Variants in RAB11FIP4 observed in about 807,000 individuals in gnomAD.
The protein encoded by RAB11FIP4 is RAB11 family interacting protein 4.
Under a neutral mutation model 74.3 loss-of-function variants are expected in RAB11FIP4, and 23 were observed. The observed-to-expected ratio is 0.31, with a 90% CI of 0.22 to 0.44. The LOEUF (loss-of-function observed/expected upper bound fraction) is 0.44, where lower values mean the gene tolerates loss of function less well. Among genes scored for constraint, RAB11FIP4 ranks in the 20% least tolerant of loss-of-function variants. RAB11FIP4 has a pLI of 1.00. For synonymous variants in RAB11FIP4, 360 were observed against 359.9 expected (o/e 1.00, Z 0.00); for missense variants, 630 against 863.9 (o/e 0.73, Z 3.39).
intron 3 of RAB11FIP4, among the ~76,000 whole-genome samples, chr17:31,461,839 C>T (rs2071636937): frequency 6.6e-6 from 1 of 152,018 alleles, no homozygotes; most frequent in South Asian, 2.1e-4. Context: ...AAACCCATTT[C>T]TACTGAATGG....
chr17:31,527,656 A>G (rs1271496123), intron 10 of RAB11FIP4, 186 bp from the exon 11 acceptor site: 6 of 542,736 alleles, frequency 1.1e-5, no homozygotes, highest in East Asian at 6.1e-5. Context: ...AGTCCTTACT[A>G]TTTTGCTTTG....
At chr17:31,451,340 TC>T (rs2071524958) in intron 3 of RAB11FIP4, among the ~76,000 whole-genome samples, 2 of 150,524 alleles carry the variant, frequency 1.3e-5, no homozygotes, top group Admixed American at 1.3e-4. Flanking sequence ...GCGCCTGTAA[TC>T]CCAGCTACTC....
intron 1 of RAB11FIP4, among the ~76,000 whole-genome samples, chr17:31,424,395 G>A (rs2071227047): frequency 6.6e-6 from 1 of 152,092 alleles, no homozygotes; most frequent in Non-Finnish European, 1.5e-5. Context: ...TGAGATGCTA[G>A]CTGGCCACCT....
In RAB11FIP4 at chr17:31,531,934, A is replaced by G. The variant is rs1402673161; in HGVS notation, c.*202A>G. On this transcript the variant is annotated 3_prime_UTR_variant, in exon 15 of 15. Transcript: ENST00000621161. ...GGCCGTGGCTGTGGGCAGCATCCAC[A>G]CGGTTAGCCGTGCATGCACTTTGTG... 1 of 562,802 alleles carries G rather than the reference A, an allele frequency of 1.8e-6. No individual in the cohort carries two copies. The highest frequency in any genetic ancestry group is 3.2e-6 in the Non-Finnish European group (1 of 314,838). 34.9% of individuals were successfully genotyped at this position (562,802 alleles called of 1,614,324 possible). A position where few individuals can be genotyped will look rare whatever the true frequency, so the allele number is the denominator to read the frequency against.
intron 9 of RAB11FIP4, 59 bp downstream of exon 9, chr17:31,524,055 C>T: frequency 7.7e-7 from 1 of 1,293,978 alleles, no homozygotes. Flanking sequence ...AAGGGGGGTC[C>T]ATCTTGCTAA....
intron 9 of RAB11FIP4, 79 bp from the exon 10 acceptor site, chr17:31,525,011 C>G: frequency 6.5e-7 from 1 of 1,527,302 alleles, no homozygotes; most frequent in Non-Finnish European, 8.9e-7. Context: ...GTCTCGGGGC[C>G]CAGGGTCCCC....
chr17:31,432,508 C>T (rs1301040149), intron 2 of RAB11FIP4, among the ~76,000 whole-genome samples: 1 of 152,042 alleles, frequency 6.6e-6, no homozygotes, highest in Non-Finnish European at 1.5e-5. Flanking sequence ...ACAGGAGGTA[C>T]ACCACCATGC....
chr17:31,496,418 A>AGC (rs1567676670), intron 3 of RAB11FIP4, among the ~76,000 whole-genome samples: 1 of 152,216 alleles, frequency 6.6e-6, no homozygotes, highest in Non-Finnish European at 1.5e-5. Flanking sequence ...CATCTGGGTT[A>AGC]AGAGGGAAAA....
intron 3 of RAB11FIP4, among the ~76,000 whole-genome samples, chr17:31,485,927 A>AT (rs996401315): frequency 2.5e-4 from 37 of 150,354 alleles, no homozygotes; most frequent in African/African-American, 6.8e-4. Context: ...AGGTACTCTT[A>AT]TTTTTTTTTT....
At position 31,517,013 on chromosome 17, in the gene RAB11FIP4, C is replaced by T. The variant is rs370124368; in HGVS notation, c.337-638C>T. Among the ~76,000 whole-genome samples, 372 of 151,590 alleles carry T rather than the reference C, an allele frequency of 2.5e-3. 1 individual carries two copies. Among genetic ancestry groups the T allele is most frequent in the African/African-American group, 8.5e-3 (350 of 41,218 alleles). On this transcript the variant is annotated intron_variant, in intron 3 of 14. Coordinates refer to ENST00000621161, the MANE Select transcript of RAB11FIP4 (RefSeq NM_032932.6). ...CCCTATGCAAACATCTGATTGGTTG[C>T]AGAAAGCAATCAGAAAGCAACCAAT...
intron 1 of RAB11FIP4, among the ~76,000 whole-genome samples, chr17:31,397,929 T>TTTC (rs1344033647): frequency 1.3e-4 from 19 of 151,858 alleles, no homozygotes; most frequent in Non-Finnish European, 2.6e-4. Flanking sequence ...AGGCTGGAGT[T>TTTC]CAGGGGTGCA....
At chr17:31,448,795 A>G (rs1013140317) in intron 3 of RAB11FIP4, among the ~76,000 whole-genome samples, 4 of 152,068 alleles carry the variant, frequency 2.6e-5, no homozygotes, top group Admixed American at 2.6e-4. Flanking sequence ...ATTCTCACCC[A>G]GGTTGCTCAG....
chr17:31,468,697 G>A (rs1336753141), intron 3 of RAB11FIP4, among the ~76,000 whole-genome samples: 22 of 152,154 alleles, frequency 1.4e-4, no homozygotes, highest in Non-Finnish European at 4.4e-5. Flanking sequence ...GGGTGTGGTG[G>A]TGGGCACCTG....
intron 3 of RAB11FIP4, among the ~76,000 whole-genome samples, chr17:31,447,495 G>C (rs563852104): frequency 2.6e-4 from 40 of 152,226 alleles, no homozygotes; most frequent in African/African-American, 9.6e-4. Context: ...TAATGAGAAA[G>C]ACTTTTATCA....
intron 1 of RAB11FIP4, among the ~76,000 whole-genome samples, chr17:31,400,908 T>A (rs1325734971): frequency 6.6e-6 from 1 of 152,032 alleles, no homozygotes; most frequent in African/African-American, 2.4e-5. Flanking sequence ...GGCCCTGGGG[T>A]CTCATCTCAT....
At chr17:31,443,543 C>T (rs1276454271) in intron 3 of RAB11FIP4, among the ~76,000 whole-genome samples, 1 of 152,198 alleles carries the variant, frequency 6.6e-6, no homozygotes, top group Non-Finnish European at 1.5e-5. Context: ...GTTCCTCTTG[C>T]CCTCCCTCAC....
chr17:31,512,430 C>T lies in RAB11FIP4; in HGVS notation c.337-5221C>T, dbSNP rs143403744. Among the ~76,000 whole-genome samples the T allele has an allele frequency of 1.8e-4, 27 of 152,300 alleles. No individual in the cohort carries two copies. Among genetic ancestry groups the T allele is most frequent in the Admixed American group, 5.9e-4 (9 of 15,306 alleles). On this transcript the variant is annotated intron_variant, in intron 3 of 14. Coordinates refer to ENST00000621161, the MANE Select transcript of RAB11FIP4 (RefSeq NM_032932.6). The surrounding 1 kb of genome is among the most constrained non-coding windows in gnomAD (Gnocchi z 4.1). The stretch of plus-strand genomic sequence containing the variant: ...CTGCTAGGCCCCAGAGCTGAGCCCT[C>T]ACCCAAGCCCACCCCCAGGGGCCTC...
At chr17:31,530,200 G>A (rs2072842557) in intron 13 of RAB11FIP4, 126 bp from the exon 14 acceptor site, 1 of 1,275,410 alleles carries the variant, frequency 7.8e-7, no homozygotes, top group Non-Finnish European at 1.1e-6. Flanking sequence ...CCTTGAACCA[G>A]CCGTGACACA....
chr17:31,454,500 A>C (rs1308369312), intron 3 of RAB11FIP4, among the ~76,000 whole-genome samples: 1 of 151,986 alleles, frequency 6.6e-6, no homozygotes, highest in Admixed American at 6.5e-5. Context: ...TCTCGAACCC[A>C]TGACCTCAAG....
Sources: gnomAD v4.1 joint callset for allele counts (sites outside exome capture counted in the v4.1 genomes callset) on GRCh38, gnomAD v4.1.1 for gene constraint, Gnocchi (gnomAD v3.1) non-coding constraint, MANE v1.5 for transcripts, NCBI Gene and HGNC (gene_info 2026-07-23, HGNC 2026-07-21) for gene names.